KMT2C: variants seen among roughly 807,000 people sequenced by gnomAD.
KMT2C encodes histone-lysine N-methyltransferase 2C.
In KMT2C, 88 loss-of-function variants were observed where a neutral mutation model predicts 507.9. That is an observed-to-expected ratio of 0.17 (90% CI 0.15 to 0.21). The LOEUF is 0.21. Among genes scored for constraint, KMT2C ranks in the 10% least tolerant of loss-of-function variants. The probability of loss-of-function intolerance (pLI) is 1.00; values close to 1 mark genes in which losing one functional copy is unlikely to be tolerated. For missense variants in KMT2C, 4,954 were observed against 5,957.8 expected, an observed-to-expected ratio of 0.83 and a Z score of 5.55; for synonymous variants, 2,049 against 2,080.8, an observed-to-expected ratio of 0.98 and a Z score of 0.42.
intron 3 of KMT2C, among the ~76,000 whole-genome samples, chr7:152,321,715 G>T (rs1320588504): frequency 6.6e-6 from 1 of 151,816 alleles, no homozygotes; most frequent in East Asian, 1.9e-4. Context: ...TTCAACCAGG[G>T]AGGTAAAAGA....
At chr7:152,229,290 T>C (rs1294226241) in intron 18 of KMT2C, among the ~76,000 whole-genome samples, 1 of 152,140 alleles carries the variant, frequency 6.6e-6, no homozygotes, top group Non-Finnish European at 1.5e-5. Context: ...ATGTAAGTTT[T>C]ATTAAGACTG....
intron 1 of KMT2C, among the ~76,000 whole-genome samples, chr7:152,421,284 T>C (rs2097775910): frequency 1.3e-5 from 2 of 152,216 alleles, no homozygotes; most frequent in South Asian, 2.1e-4. Context: ...GGAAGGCTTA[T>C]ACACTGCTAG....
At position 152,148,427 on chromosome 7, in the gene KMT2C, A is replaced by G; in HGVS notation, c.13500T>C (p.Thr4500=). The change falls in exon 52 of 59, where the codon ACT becomes ACC. Residue 4500 remains threonine (T), a synonymous_variant. Coordinates refer to ENST00000262189, the MANE Select transcript of KMT2C (RefSeq NM_170606.3). This position sits in a 1 kb window ranked among gnomAD's most constrained non-coding sequence, Gnocchi z 7.1. ...KAQCMFFKDK[T]MLCPMHKPKG... Reference sequence around the variant, plus strand: ...TTGGTTTGTGCATGGGGCAAAGCATAGTTTTGTCCTTAAAAAACATGCATT... The same window carrying G: ...TTGGTTTGTGCATGGGGCAAAGCATGGTTTTGTCCTTAAAAAACATGCATT... 1 of 1,614,290 alleles carries G rather than the reference A, an allele frequency of 6.2e-7. No individual in the cohort carries two copies. The highest frequency in any genetic ancestry group is 8.5e-7 in the Non-Finnish European group (1 of 1,180,054).
intron 1 of KMT2C, among the ~76,000 whole-genome samples, chr7:152,429,363 A>C (rs911627524): frequency 4.6e-5 from 7 of 152,332 alleles, no homozygotes; most frequent in African/African-American, 1.7e-4. Flanking sequence ...AAACAAAGTG[A>C]AACAATTTTC....
At chr7:152,205,671 G>A (rs1165092086) in intron 24 of KMT2C, among the ~76,000 whole-genome samples, 15 of 151,588 alleles carry the variant, frequency 9.9e-5, no homozygotes, top group Middle Eastern at 3.4e-3. Context: ...AGACATCACC[G>A]TAGTTATAAC....
chr7:152,328,189 T>A (rs565525027), intron 3 of KMT2C, among the ~76,000 whole-genome samples: 2 of 152,154 alleles, frequency 1.3e-5, no homozygotes, highest in Non-Finnish European at 2.9e-5. Context: ...TTCTTTTCCA[T>A]CCTACTCCTT....
chr7:152,295,627 C>A (rs1465202316), intron 6 of KMT2C, among the ~76,000 whole-genome samples: 1 of 152,180 alleles, frequency 6.6e-6, no homozygotes, highest in African/African-American at 2.4e-5. Context: ...TCCATTCCCC[C>A]TTTTTCCTTC....
intron 3 of KMT2C, among the ~76,000 whole-genome samples, chr7:152,321,294 C>A (rs2096771053): frequency 6.6e-6 from 1 of 151,604 alleles, no homozygotes; most frequent in East Asian, 1.9e-4. Context: ...GTTTAAGAAT[C>A]TTTCACTTAA....
At chr7:152,343,479 T>A (rs2097020198) in intron 2 of KMT2C, among the ~76,000 whole-genome samples, 1 of 147,126 alleles carries the variant, frequency 6.8e-6, no homozygotes, top group African/African-American at 2.5e-5. Flanking sequence ...AACAGAATGT[T>A]TAATACAGAA....
chr7:152,295,237 C>T (rs927257451), intron 6 of KMT2C, among the ~76,000 whole-genome samples: 2 of 152,086 alleles, frequency 1.3e-5, no homozygotes, highest in Non-Finnish European at 2.9e-5. Context: ...TCAAGTAAAC[C>T]TTTTCCAATT....
Position 152,183,173 on chromosome 7 carries a change from G to GA in KMT2C, c.5083-18dup, listed in dbSNP as rs759356725. The GA allele has an allele frequency of 1.3e-5, 20 of 1,492,866 alleles. No individual in the cohort carries two copies. The highest frequency in any genetic ancestry group is 1.6e-5 in the Non-Finnish European group (18 of 1,121,230). The allele number at this position is 1,492,866 out of a possible 1,614,324, so 92.5% of individuals were successfully genotyped here. On this transcript the variant is annotated splice_polypyrimidine_tract_variant and intron_variant, in intron 34 of 58. Transcript: ENST00000262189. ...GGCTTTTTGCTTTGACAAAAGAAGA[G>GA]AAAAAAATTTCCCAGATTATGTTAA...
intron 16 of KMT2C, among the ~76,000 whole-genome samples, chr7:152,234,374 C>T (rs1015145961): frequency 4.6e-5 from 7 of 151,790 alleles, no homozygotes; most frequent in African/African-American, 1.5e-4. Context: ...AAGAGCGAAA[C>T]TCTATCTCAA....
Position 152,172,548 on chromosome 7 carries a change from T to C in KMT2C, c.9375-1206A>G, listed in dbSNP as rs1315405083. On this transcript the variant is annotated intron_variant, in intron 39 of 58. Coordinates refer to ENST00000262189, the MANE Select transcript of KMT2C (RefSeq NM_170606.3). ...CTGTCTCTACCAAAAATACAAAAAT[T>C]AGCTGCGCATGGTGGCACGTGCCTG... Among the ~76,000 whole-genome samples the C allele has an allele frequency of 3.9e-5, 6 of 152,024 alleles. 1 individual carries two copies. Among genetic ancestry groups the C allele is most frequent in the Admixed American group, 2.0e-4 (3 of 15,274 alleles).
intron 2 of KMT2C, among the ~76,000 whole-genome samples, chr7:152,346,932 C>T (rs1054475491): frequency 1.1e-4 from 16 of 152,122 alleles, no homozygotes; most frequent in African/African-American, 3.1e-4. Context: ...AAGAGACCAT[C>T]CTGGCTAACA....
chr7:152,324,588 G>A (rs1350494313), intron 3 of KMT2C, among the ~76,000 whole-genome samples: 1 of 151,776 alleles, frequency 6.6e-6, no homozygotes, highest in African/African-American at 2.4e-5. Flanking sequence ...TTTGGAAGTG[G>A]GGAGCAAATT....
chr7:152,407,671 C>CAAAAAAAAAA (rs11440446), intron 1 of KMT2C, among the ~76,000 whole-genome samples: 1 of 136,266 alleles, frequency 7.3e-6, no homozygotes, highest in Non-Finnish European at 1.6e-5. Context: ...GACTCTGTCT[C>CAAAAAAAAAA]AAAAAAAAAA....
At chr7:152,314,682 T>C (rs2096707116) in intron 4 of KMT2C, among the ~76,000 whole-genome samples, 1 of 152,148 alleles carries the variant, frequency 6.6e-6, no homozygotes, top group Admixed American at 6.5e-5. Context: ...GATGAATGAA[T>C]GACACAAAAG....
chr7:152,296,051 G>A (rs112212010), intron 6 of KMT2C, among the ~76,000 whole-genome samples: 5,500 of 106,862 alleles, frequency 0.051, 405 homozygotes, highest in African/African-American at 0.19. Context: ...TTGGGCAACA[G>A]AACGAGACTC....
intron 23 of KMT2C, among the ~76,000 whole-genome samples, chr7:152,211,660 G>A (rs1224425882): frequency 6.6e-6 from 1 of 152,218 alleles, no homozygotes; most frequent in African/African-American, 2.4e-5. Flanking sequence ...AGCACATACA[G>A]TGCCCTCACA....
Sources: gnomAD v4.1 joint callset for allele counts (sites outside exome capture counted in the v4.1 genomes callset) on GRCh38, gnomAD v4.1.1 for gene constraint, Gnocchi (gnomAD v3.1) non-coding constraint, MANE v1.5 for transcripts, NCBI Gene and HGNC (gene_info 2026-07-23, HGNC 2026-07-21) for gene names.